C4orf50: variants seen among roughly 807,000 people sequenced by gnomAD.
The protein encoded by C4orf50 is uncharacterized protein C4orf50.
A neutral mutation model predicts 77.2 loss-of-function variants in C4orf50; 80 were observed. That is an observed-to-expected ratio of 1.04 (90% CI 0.87 to 1.25). The LOEUF is 1.25. Ranked by LOEUF, C4orf50 falls within the 50% of genes most tolerant of loss-of-function variation. The pLI, the probability that C4orf50 is intolerant of heterozygous loss-of-function variation, is 0.00. For synonymous variants in C4orf50, 532 were observed against 465.3 expected (o/e 1.14, Z -1.84); for missense variants, 1,257 against 1,152.9 (o/e 1.09, Z -1.31).
chr4:5,989,618 C>A, exon 28 of C4orf50: 1 of 1,536,154 alleles, frequency 6.5e-7, no homozygotes, highest in Non-Finnish European at 8.7e-7. Flanking sequence ...CAAGCCTCCA[C>A]GTCCTGTGCA....
exon 28 of C4orf50, chr4:5,990,018 A>C (rs1721166745): frequency 1.4e-6 from 2 of 1,384,266 alleles, no homozygotes; most frequent in Non-Finnish European, 1.9e-6. Flanking sequence ...CTTTGGTCTC[A>C]TGAGCCCTGG....
At chr4:5,937,703 A>C (rs1396128015) in intron 7 of C4orf50, among the ~76,000 whole-genome samples, 1 of 152,156 alleles carries the variant, frequency 6.6e-6, no homozygotes, top group Non-Finnish European at 1.5e-5. Context: ...TAAAAATATA[A>C]AGACAGAGAA....
intron 7 of C4orf50, among the ~76,000 whole-genome samples, chr4:5,938,850 C>T (rs1718146583): frequency 6.6e-6 from 1 of 151,638 alleles, no homozygotes; most frequent in Admixed American, 6.6e-5. Context: ...CTTTGCTTTC[C>T]CCTAATCCTC....
rs1170918140 is a variant in C4orf50 at position 5,905,698 on chromosome 4, G to A, written c.*2475-7510C>T. Among the ~76,000 whole-genome samples, 1 of 152,230 alleles carries A rather than the reference G, an allele frequency of 6.6e-6. No individual in the cohort carries two copies. The highest frequency in any genetic ancestry group is 2.4e-5 in the African/African-American group (1 of 41,476). On this transcript the variant is annotated intron_variant, in intron 7 of 7. Transcript: ENST00000324058. This position sits in a 1 kb window ranked among gnomAD's most constrained non-coding sequence, Gnocchi z 5.4. ...TTGGGGTGCTTCAGACCCTTGACAT[G>A]ATATGGAAATTTTATGTTACTAAGC...
At chr4:5,980,382 CAAG>C in intron 28 of C4orf50, 44 bp from the exon 7 acceptor site, 3 of 1,568,570 alleles carry the variant, frequency 1.9e-6, no homozygotes, top group Non-Finnish European at 2.6e-6. Flanking sequence ...GGTTATCCTT[CAAG>C]CAATTTGCCT....
At chr4:5,924,171 C>A (rs567030351) in intron 7 of C4orf50, among the ~76,000 whole-genome samples, 1 of 152,224 alleles carries the variant, frequency 6.6e-6, no homozygotes, top group South Asian at 2.1e-4. Context: ...TTGTAGATGG[C>A]CTATTGTGGG....
intron 25 of C4orf50, among the ~76,000 whole-genome samples, chr4:6,003,143 T>C (rs1405964679): frequency 6.6e-6 from 1 of 152,168 alleles, no homozygotes; most frequent in Non-Finnish European, 1.5e-5. Flanking sequence ...TGCAGTTCTC[T>C]GAGTCTCCCC....
chr4:5,984,384 G>T (rs1330778841), intron 28 of C4orf50, among the ~76,000 whole-genome samples: 1 of 152,062 alleles, frequency 6.6e-6, no homozygotes, highest in African/African-American at 2.4e-5. Context: ...TCCAAATATT[G>T]GTGTTAGCAG....
chr4:5,986,447 G>T (rs894751890), intron 28 of C4orf50, among the ~76,000 whole-genome samples: 1 of 152,026 alleles, frequency 6.6e-6, no homozygotes, highest in African/African-American at 2.4e-5. Flanking sequence ...AGCTATTTTA[G>T]GTTTTTTGTT....
intron 7 of C4orf50, among the ~76,000 whole-genome samples, chr4:5,917,573 C>A (rs1257976863): frequency 2.0e-5 from 3 of 151,872 alleles, no homozygotes; most frequent in Non-Finnish European, 4.4e-5. Context: ...ACCACCACAT[C>A]CAGCTAATTT....
At chr4:5,935,500 C>A (rs1200442856) in intron 7 of C4orf50, among the ~76,000 whole-genome samples, 1 of 152,120 alleles carries the variant, frequency 6.6e-6, no homozygotes, top group Non-Finnish European at 1.5e-5. Context: ...ATAGATAAAT[C>A]CCCAGGGCTG....
Position 5,932,105 on chromosome 4 carries a change from GC to G in C4orf50, c.*2474+24795del, listed in dbSNP as rs1446225784. 2.3e-5 allele frequency among the ~76,000 whole-genome samples: 3 copies of G among 133,108 alleles called. No individual in the cohort carries two copies. Among genetic ancestry groups the G allele is most frequent in the Admixed American group, 9.3e-5 (1 of 10,772 alleles). The allele number at this position is 133,108 out of a possible 152,430, so 87.3% of individuals were successfully genotyped here. A position where few individuals can be genotyped will look rare whatever the true frequency, so the allele number is the denominator to read the frequency against. The stretch of plus-strand genomic sequence containing the variant: ...ATTTCCGTGCAATGTTTGGCCTCTT[GC>G]CCCCCTCTCAGCTGAGGAAGGCAGG... On this transcript the variant is annotated intron_variant, in intron 7 of 7. Transcript: ENST00000324058. This position sits in a 1 kb window ranked among gnomAD's most constrained non-coding sequence, Gnocchi z 4.2.
chr4:5,975,272 A>C (rs753197180), intron 30 of C4orf50, among the ~76,000 whole-genome samples: 2 of 150,110 alleles, frequency 1.3e-5, no homozygotes, highest in African/African-American at 4.9e-5. Flanking sequence ...TGGTGATTTT[A>C]TGGACCAAGG....
chr4:5,963,932 T>C (rs1395476111), intron 33 of C4orf50, among the ~76,000 whole-genome samples: 2 of 152,210 alleles, frequency 1.3e-5, no homozygotes, highest in Non-Finnish European at 2.9e-5. Flanking sequence ...TAAGTAAGTT[T>C]TCTCTGGGAA....
At chr4:5,966,890 C>T (rs1472550684) in intron 32 of C4orf50, among the ~76,000 whole-genome samples, 5 of 152,094 alleles carry the variant, frequency 3.3e-5, no homozygotes, top group Admixed American at 1.3e-4. Flanking sequence ...CCTCGTGATC[C>T]GCCTGCCTCG....
At chr4:5,959,500 C>A in exon 34 of C4orf50, 1 of 1,614,154 alleles carries the variant, frequency 6.2e-7, no homozygotes, top group Non-Finnish European at 8.5e-7. Flanking sequence ...GGGACGTTAT[C>A]GACTTGGAGG....
intron 24 of C4orf50, among the ~76,000 whole-genome samples, chr4:6,010,354 C>T (rs2108811511): frequency 6.6e-6 from 1 of 152,312 alleles, no homozygotes; most frequent in East Asian, 1.9e-4. Context: ...TCCCTGGCAT[C>T]TCAAGGACTA....
intron 28 of C4orf50, among the ~76,000 whole-genome samples, chr4:5,987,596 G>C (rs933064434): frequency 6.6e-6 from 1 of 151,318 alleles, no homozygotes. Context: ...AAGAGAGAAA[G>C]AGGGAAAGGA....
rs1472789477 is a variant in C4orf50, at chr4:5,992,987, A to G, written c.1094-57T>C. 5.0e-6 allele frequency: 2 copies of G among 397,244 alleles called. No homozygotes were observed. Among genetic ancestry groups the G allele is most frequent in the Non-Finnish European group, 8.9e-6 (2 of 225,198 alleles). 24.6% of individuals were successfully genotyped at this position (397,244 alleles called of 1,614,324 possible). On this transcript the variant is annotated intron_variant, in intron 26 of 33. Transcript: ENST00000531445. This position sits in a 1 kb window ranked among gnomAD's most constrained non-coding sequence, Gnocchi z 5.0. ...AGATGCTCCCAGGGGCTCTGCCATG[A>G]TCGCCTCTAGGGACCACGTCCCCCA...
Sources: gnomAD v4.1 joint callset for allele counts (sites outside exome capture counted in the v4.1 genomes callset) on GRCh38, gnomAD v4.1.1 for gene constraint, Gnocchi (gnomAD v3.1) non-coding constraint, MANE v1.5 for transcripts, NCBI Gene and HGNC (gene_info 2026-07-23, HGNC 2026-07-21) for gene names.